GALNT14: variants seen among roughly 807,000 people sequenced by gnomAD.
GALNT14 encodes polypeptide N-acetylgalactosaminyltransferase 14.
A neutral mutation model predicts 77.5 loss-of-function variants in GALNT14; 60 were observed. That is an observed-to-expected ratio of 0.77 (90% CI 0.63 to 0.96). The LOEUF (loss-of-function observed/expected upper bound fraction) is 0.96, where lower values mean the gene tolerates loss of function less well. Among genes scored for constraint, GALNT14 ranks in the 40% least tolerant of loss-of-function variants. The probability of loss-of-function intolerance (pLI) is 0.00; values close to 1 mark genes in which losing one functional copy is unlikely to be tolerated. For missense variants in GALNT14, 710 were observed against 731.0 expected, an observed-to-expected ratio of 0.97 and a Z score of 0.33; for synonymous variants, 280 against 281.7, an observed-to-expected ratio of 0.99 and a Z score of 0.06.
chr2:30,974,288 C>T (rs57976399), intron 2 of GALNT14, among the ~76,000 whole-genome samples: 3,566 of 152,348 alleles, frequency 0.023, 147 homozygotes, highest in East Asian at 0.21. Context: ...TTTCTCTCCA[C>T]TTCCATTCTG....
chr2:30,987,727 C>T (rs1669397529), intron 2 of GALNT14, among the ~76,000 whole-genome samples: 1 of 146,440 alleles, frequency 6.8e-6, no homozygotes, highest in Admixed American at 6.8e-5. Context: ...CCTCCCCCTC[C>T]TCCCCCTCCT....
At chr2:31,015,852 C>T (rs1671318510) in intron 1 of GALNT14, among the ~76,000 whole-genome samples, 1 of 152,168 alleles carries the variant, frequency 6.6e-6, no homozygotes. Flanking sequence ...TTGGAAGAGA[C>T]TATTACAATT....
At chr2:31,016,206 A>G (rs1159966290) in intron 1 of GALNT14, among the ~76,000 whole-genome samples, 1 of 152,150 alleles carries the variant, frequency 6.6e-6, no homozygotes, top group Non-Finnish European at 1.5e-5. Context: ...TGGCCCGCAG[A>G]TGGCCGTCTT....
At chr2:31,133,473 G>C (rs138299673) in intron 1 of GALNT14, among the ~76,000 whole-genome samples, 1 of 152,298 alleles carries the variant, frequency 6.6e-6, no homozygotes, top group Non-Finnish European at 1.5e-5. Flanking sequence ...TTTTCTAATG[G>C]TGTTTGTTGT....
At chr2:30,901,366 T>C in the GALNT14 span, among the ~76,000 whole-genome samples, 1 of 152,058 alleles carries the variant, frequency 6.6e-6, no homozygotes, top group African/African-American at 2.4e-5. Context: ...TTTCTCCCCA[T>C]TCACTCAACA....
chr2:30,970,487 C>T (rs1391478228), intron 2 of GALNT14, among the ~76,000 whole-genome samples: 1 of 152,148 alleles, frequency 6.6e-6, no homozygotes, highest in Admixed American at 6.5e-5. Flanking sequence ...GAATTGCTAT[C>T]ATCACGCCCA....
intron 1 of GALNT14, among the ~76,000 whole-genome samples, chr2:31,105,954 T>C (rs1325332225): frequency 6.6e-6 from 1 of 152,188 alleles, no homozygotes; most frequent in African/African-American, 2.4e-5. Flanking sequence ...GTTCCTATTA[T>C]CCTCTTTATA....
chr2:31,036,075 C>A (rs1672722146), intron 1 of GALNT14, among the ~76,000 whole-genome samples: 1 of 152,096 alleles, frequency 6.6e-6, no homozygotes, highest in Non-Finnish European at 1.5e-5. Flanking sequence ...TCTTATTTTT[C>A]AATCCATTTT....
At chr2:31,082,997 A>G (rs1007788868) in intron 1 of GALNT14, among the ~76,000 whole-genome samples, 1 of 152,200 alleles carries the variant, frequency 6.6e-6, no homozygotes, top group African/African-American at 2.4e-5. Context: ...CAGCCTGGTG[A>G]CAGAGTATGA....
At chr2:30,960,727 C>T (rs1278556270) in intron 3 of GALNT14, among the ~76,000 whole-genome samples, 2 of 152,096 alleles carry the variant, frequency 1.3e-5, no homozygotes, top group Admixed American at 6.5e-5. Context: ...CTCCCTCATG[C>T]ACACCCACTC....
intron 1 of GALNT14, chr2:31,126,958 T>C (rs1381948502): frequency 6.6e-6 from 1 of 152,230 alleles, no homozygotes; most frequent in African/African-American, 2.4e-5. Context: ...AGTGGCTATA[T>C]AAAGAATGGA....
chr2:31,094,745 G>C (rs960541318), intron 1 of GALNT14, among the ~76,000 whole-genome samples: 3 of 152,210 alleles, frequency 2.0e-5, no homozygotes, highest in Non-Finnish European at 4.4e-5. Flanking sequence ...GGCATAGGCT[G>C]TTTCTGGCCC....
chr2:31,066,231 A>C (rs959865388), intron 1 of GALNT14, among the ~76,000 whole-genome samples: 1 of 151,956 alleles, frequency 6.6e-6, no homozygotes, highest in Non-Finnish European at 1.5e-5. Flanking sequence ...AGCTGGTTGT[A>C]GGCCCCCCCA....
rs1375573271 is a variant in GALNT14 at position 31,087,606 on chromosome 2, G to T, written c.129+50352C>A. Among the ~76,000 whole-genome samples, 3 of 143,118 alleles carry T rather than the reference G, an allele frequency of 2.1e-5. No individual in the cohort carries two copies. In the South Asian group the frequency reaches 6.6e-4, roughly 31 times the overall value. 93.9% of individuals were successfully genotyped at this position (143,118 alleles called of 152,430 possible). A position where few individuals can be genotyped will look rare whatever the true frequency, so the allele number is the denominator to read the frequency against. The stretch of plus-strand genomic sequence containing the variant: ...GAGAGAAGGAAAGAGGCTGGGAGAA[G>T]CCAGAGAAGAAAGAGGAAAACCAGG... On this transcript the variant is annotated intron_variant, in intron 1 of 14. Transcript: ENST00000349752.
chr2:30,945,920 GA>G, intron 6 of GALNT14, 50 bp from the exon 7 acceptor site: 1 of 1,528,570 alleles, frequency 6.5e-7, no homozygotes, highest in Non-Finnish European at 9.1e-7. Context: ...GCCCAGCTGG[GA>G]GTCAGGGAGC....
At chr2:31,039,766 C>T (rs1276529015) in intron 1 of GALNT14, among the ~76,000 whole-genome samples, 1 of 152,100 alleles carries the variant, frequency 6.6e-6, no homozygotes, top group Non-Finnish European at 1.5e-5. Flanking sequence ...GCACACTTAC[C>T]CTCCTAAGGT....
intron 2 of GALNT14, among the ~76,000 whole-genome samples, chr2:30,982,797 G>A (rs1287965012): frequency 1.3e-5 from 2 of 152,158 alleles, no homozygotes; most frequent in Non-Finnish European, 2.9e-5. Context: ...TTTTCCATAT[G>A]TATCTTATAT....
chr2:31,121,349 C>T (rs1398932345), intron 1 of GALNT14, among the ~76,000 whole-genome samples: 1 of 152,184 alleles, frequency 6.6e-6, no homozygotes, highest in Non-Finnish European at 1.5e-5. Flanking sequence ...CAGCAACGCT[C>T]ATTTAGGCCA....
At chr2:31,014,580 G>T (rs1671230394) in intron 1 of GALNT14, among the ~76,000 whole-genome samples, 1 of 152,178 alleles carries the variant, frequency 6.6e-6, no homozygotes, top group South Asian at 2.1e-4. Flanking sequence ...GCCTGAACAG[G>T]TCCCCATATG....
Sources: gnomAD v4.1 joint callset for allele counts (sites outside exome capture counted in the v4.1 genomes callset) on GRCh38, gnomAD v4.1.1 for gene constraint, MANE v1.5 for transcripts, NCBI Gene and HGNC (gene_info 2026-07-23, HGNC 2026-07-21) for gene names.